The following RIMBP2 variants were observed in gnomAD, a reference collection of about 807,000 sequenced individuals.
RIMBP2 encodes RIMS-binding protein 2.
RIMBP2 carries 48 observed loss-of-function variants against 118.6 expected under a neutral mutation model. The ratio of observed to expected loss-of-function variants is 0.40; its 90% CI spans 0.32 to 0.51. The LOEUF is 0.51. Ranked by LOEUF, RIMBP2 falls within the 20% of genes least tolerant of loss-of-function variation. The probability of loss-of-function intolerance (pLI) is 0.41; values close to 1 mark genes in which losing one functional copy is unlikely to be tolerated. For missense variants in RIMBP2, 1,551 were observed against 1,768.3 expected, an observed-to-expected ratio of 0.88 and a Z score of 2.20; for synonymous variants, 762 against 742.9, an observed-to-expected ratio of 1.03 and a Z score of -0.42.
At chr12:130,568,186 C>G (rs1382736024) in intron 2 of RIMBP2, among the ~76,000 whole-genome samples, 1 of 152,174 alleles carries the variant, frequency 6.6e-6, no homozygotes, top group Non-Finnish European at 1.5e-5. Flanking sequence ...GGCAGGGTTT[C>G]TCATAACTTC....
chr12:130,489,683 C>T (rs998008630), intron 4 of RIMBP2, among the ~76,000 whole-genome samples: 1 of 152,214 alleles, frequency 6.6e-6, no homozygotes, highest in African/African-American at 2.4e-5. Context: ...ATGCAGCCAT[C>T]TGGCTTCTTA....
chr12:130,713,120 G>A (rs772861002), intron 1 of RIMBP2, among the ~76,000 whole-genome samples: 2 of 43,730 alleles, frequency 4.6e-5, no homozygotes, highest in Non-Finnish European at 1.0e-4. Flanking sequence ...AGGAGAGAAA[G>A]AGAGGGAAGA....
intron 1 of RIMBP2, among the ~76,000 whole-genome samples, chr12:130,673,265 C>A (rs150114806): frequency 6.6e-6 from 1 of 152,338 alleles, no homozygotes; most frequent in South Asian, 2.1e-4. Context: ...CGTCTGCCAA[C>A]CTCATCCTGG....
intron 7 of RIMBP2, among the ~76,000 whole-genome samples, chr12:130,452,693 G>T (rs983498216): frequency 6.6e-6 from 1 of 152,210 alleles, no homozygotes; most frequent in Non-Finnish European, 1.5e-5. Flanking sequence ...TCCCCACACA[G>T]TGGCCAGGGA....
At chr12:130,607,095 G>C (rs1201169792) in intron 2 of RIMBP2, among the ~76,000 whole-genome samples, 1 of 152,134 alleles carries the variant, frequency 6.6e-6, no homozygotes, top group East Asian at 1.9e-4. Context: ...CTCCCAAAGT[G>C]CTGGGATTAC....
chr12:130,488,449 T>C (rs542538430), intron 4 of RIMBP2, among the ~76,000 whole-genome samples: 64 of 152,118 alleles, frequency 4.2e-4, no homozygotes, highest in African/African-American at 1.5e-3. Flanking sequence ...AGTTTAATAT[T>C]AGTGAGGTCT....
chr12:130,661,169 T>G (rs2063646680), intron 1 of RIMBP2, among the ~76,000 whole-genome samples: 1 of 152,222 alleles, frequency 6.6e-6, no homozygotes, highest in African/African-American at 2.4e-5. Flanking sequence ...CTCCTCTTGG[T>G]GGCAAGGACA....
chr12:130,585,663 A>AT (rs2058838448), intron 2 of RIMBP2, among the ~76,000 whole-genome samples: 3 of 151,924 alleles, frequency 2.0e-5, no homozygotes, highest in Non-Finnish European at 4.4e-5. Context: ...AAGATTCTAC[A>AT]TGAGAATCTG....
chr12:130,415,344 C>T (rs1464117197), intron 17 of RIMBP2, among the ~76,000 whole-genome samples: 1 of 152,038 alleles, frequency 6.6e-6, no homozygotes, highest in Non-Finnish European at 1.5e-5. Context: ...CAATAAAATC[C>T]AACATCCCTT....
intron 1 of RIMBP2, among the ~76,000 whole-genome samples, chr12:130,707,921 A>G (rs1455291205): frequency 6.6e-6 from 1 of 152,088 alleles, no homozygotes; most frequent in Non-Finnish European, 1.5e-5. Context: ...GGGGGGATTG[A>G]GAGAGAGGGA....
intron 1 of RIMBP2, among the ~76,000 whole-genome samples, chr12:130,680,845 G>T (rs1339176380): frequency 6.6e-6 from 1 of 152,192 alleles, no homozygotes; most frequent in Non-Finnish European, 1.5e-5. Flanking sequence ...GTGGGAGGAG[G>T]ACAGTTCCCG....
chr12:130,698,454 T>C (rs1266241019), intron 1 of RIMBP2, among the ~76,000 whole-genome samples: 1 of 152,138 alleles, frequency 6.6e-6, no homozygotes, highest in Non-Finnish European at 1.5e-5. Context: ...TTACAAAAGA[T>C]GCTAGAAATA....
At chr12:130,407,886 G>T (rs1410325065) in intron 19 of RIMBP2, 57 bp from the exon 20 acceptor site, 1 of 1,493,268 alleles carries the variant, frequency 6.7e-7, no homozygotes, top group East Asian at 2.3e-5. Flanking sequence ...AAACTTAGCG[G>T]TGTTCCCCTC....
At chr12:130,421,489 T>C (rs1001522105) in intron 17 of RIMBP2, among the ~76,000 whole-genome samples, 4 of 152,258 alleles carry the variant, frequency 2.6e-5, no homozygotes, top group Admixed American at 6.5e-5. Flanking sequence ...GAATCTGTTT[T>C]GCTTTATGAA....
rs1356352200 is a variant in RIMBP2 at position 130,435,124 on chromosome 12, A to C, written c.2107-244T>G. Among the ~76,000 whole-genome samples the C allele has an allele frequency of 2.0e-5, 3 of 151,456 alleles. No individual in the cohort carries two copies. In the East Asian group the frequency reaches 5.9e-4, roughly 30 times the overall value. On this transcript the variant is annotated intron_variant, in intron 13 of 22. Transcript: ENST00000690449. ...GCAGTGGCATGATCATAGCTCACTG[A>C]AACCTCTGTCTCCCAGGTTCAAGCA...
rs543303530 is a variant in RIMBP2, at chr12:130,417,045, C to A, written c.3239-2739G>T. ...CCAAGACAAAATCACAATGAGATACCATCTCACACCAGTCAGAATGACGAT... is the reference window on the plus strand; with the variant it reads ...CCAAGACAAAATCACAATGAGATACAATCTCACACCAGTCAGAATGACGAT... On this transcript the variant is annotated intron_variant, in intron 17 of 22. Transcript: ENST00000690449. 6.6e-5 allele frequency among the ~76,000 whole-genome samples: 10 copies of A among 152,172 alleles called. No individual in the cohort carries two copies. In the East Asian group the frequency reaches 1.9e-3, roughly 29 times the overall value.
chr12:130,631,250 G>A (rs755416007), intron 1 of RIMBP2, among the ~76,000 whole-genome samples: 2 of 152,148 alleles, frequency 1.3e-5, no homozygotes, highest in Non-Finnish European at 2.9e-5. Flanking sequence ...GCCATACAAC[G>A]AAAGGGATGT....
chr12:130,399,654 A>T (rs1565975721), intron 22 of RIMBP2, 25 bp downstream of exon 22: 3 of 1,612,934 alleles, frequency 1.9e-6, no homozygotes, highest in Non-Finnish European at 2.5e-6. Context: ...GACAGAGATT[A>T]AAAAGGCTAA....
intron 1 of RIMBP2, among the ~76,000 whole-genome samples, chr12:130,697,856 C>T (rs561822178): frequency 1.3e-5 from 2 of 152,214 alleles, no homozygotes; most frequent in African/African-American, 4.8e-5. Context: ...GAAAGAAGGG[C>T]GAGTGTTGGT....
Sources: allele counts gnomAD v4.1 joint callset (sites outside exome capture counted in the v4.1 genomes callset), GRCh38; gene constraint gnomAD v4.1.1; transcripts MANE v1.5; gene names NCBI Gene and HGNC (gene_info 2026-07-23, HGNC 2026-07-21).